Variants in CDH18 observed in about 807,000 individuals in gnomAD.
CDH18 encodes cadherin-18.
Under a neutral mutation model 67.9 loss-of-function variants are expected in CDH18, and 31 were observed. The ratio of observed to expected loss-of-function variants is 0.46; its 90% CI spans 0.34 to 0.62. The LOEUF (loss-of-function observed/expected upper bound fraction) is 0.62. Among genes scored for constraint, CDH18 ranks in the 20% least tolerant of loss-of-function variants. CDH18 has a pLI of 0.01. For missense variants in CDH18, 890 were observed against 975.5 expected, an observed-to-expected ratio of 0.91 and a Z score of 1.17; for synonymous variants, 362 against 347.2, an observed-to-expected ratio of 1.04 and a Z score of -0.48.
At chr5:19,705,516 A>G (rs983174562) in intron 5 of CDH18, among the ~76,000 whole-genome samples, 1 of 152,186 alleles carries the variant, frequency 6.6e-6, no homozygotes, top group African/African-American at 2.4e-5. Context: ...ACAGTGTTAC[A>G]GCTAATTGAG....
rs534876817 is a variant in CDH18 at position 20,530,945 on chromosome 5, C to G, written c.-580+44517G>C. 1.5e-4 allele frequency among the ~76,000 whole-genome samples: 23 copies of G among 152,148 alleles called. No homozygotes were observed. In the Middle Eastern group the frequency reaches 0.01, roughly 68 times the overall value. Reference sequence around the variant, plus strand: ...CAAAAGAAACTGTCATTAGAGTGAACAGACAACCTACAGAATGGAATAAAA... The same window carrying G: ...CAAAAGAAACTGTCATTAGAGTGAAGAGACAACCTACAGAATGGAATAAAA... On this transcript the variant is annotated intron_variant, in intron 1 of 14. Transcript: ENST00000507958.
chr5:20,305,040 A>C (rs1218213276), intron 1 of CDH18: 2 of 1,607,524 alleles, frequency 1.2e-6, no homozygotes, highest in Non-Finnish European at 1.7e-6. Context: ...AGGGCTGCTG[A>C]CTGTCCCCAT....
rs113740660 is a variant in CDH18, at chr5:19,725,206, G to A, written c.524-3740C>T. On this transcript the variant is annotated intron_variant, in intron 4 of 12. Transcript: ENST00000382275. ...CTCCCAAAGTGCTGGGATTACAGGC[G>A]TGAGCCACCGCACCCGGCCCATATT... Among the ~76,000 whole-genome samples, 628 of 152,042 alleles carry A rather than the reference G, an allele frequency of 4.1e-3. 1 individual carries two copies. Among genetic ancestry groups the A allele is most frequent in the South Asian group, 5.8e-3 (28 of 4,816 alleles).
chr5:20,263,000 G>T (rs1480544516), intron 1 of CDH18, among the ~76,000 whole-genome samples: 1 of 138,216 alleles, frequency 7.2e-6, no homozygotes, highest in Admixed American at 7.4e-5. Context: ...GAGGGAAGGG[G>T]AGGGGAGGGA....
intron 1 of CDH18, among the ~76,000 whole-genome samples, chr5:20,320,715 C>G (rs1237504780): frequency 1.3e-5 from 2 of 152,152 alleles, no homozygotes; most frequent in Non-Finnish European, 2.9e-5. Flanking sequence ...AGTCCTGTCT[C>G]CAAGGTGAGA....
At chr5:19,745,700 G>A (rs1192159010) in intron 4 of CDH18, among the ~76,000 whole-genome samples, 1 of 152,060 alleles carries the variant, frequency 6.6e-6, no homozygotes, top group African/African-American at 2.4e-5. Flanking sequence ...GCTCCTGCAG[G>A]CTGGTTCCTG....
chr5:19,521,164 G>T (rs936458857), intron 9 of CDH18, among the ~76,000 whole-genome samples: 5 of 151,994 alleles, frequency 3.3e-5, no homozygotes, highest in Non-Finnish European at 7.4e-5. Context: ...CTTTAAAAAA[G>T]TTTAATGTTC....
chr5:19,713,241 C>T (rs1199917590), intron 5 of CDH18, among the ~76,000 whole-genome samples: 2 of 151,898 alleles, frequency 1.3e-5, no homozygotes, highest in African/African-American at 4.8e-5. Flanking sequence ...AACATTGATT[C>T]TTATCTTTTT....
intron 2 of CDH18, among the ~76,000 whole-genome samples, chr5:19,923,738 C>T (rs1203533913): frequency 6.6e-6 from 1 of 152,082 alleles, no homozygotes; most frequent in Non-Finnish European, 1.5e-5. Context: ...TTGTAAAGCC[C>T]TAAATATTGT....
At chr5:20,184,157 A>G (rs931281436) in intron 2 of CDH18, among the ~76,000 whole-genome samples, 1 of 152,096 alleles carries the variant, frequency 6.6e-6, no homozygotes, top group Non-Finnish European at 1.5e-5. Context: ...ATAAATCTTC[A>G]AAAATCATAT....
intron 2 of CDH18, among the ~76,000 whole-genome samples, chr5:20,168,486 C>T (rs1389160467): frequency 6.6e-6 from 1 of 151,952 alleles, no homozygotes; most frequent in Non-Finnish European, 1.5e-5. Context: ...TTTGTGCTTT[C>T]AGATAAATAA....
rs184917956 is a variant in CDH18 at position 20,432,374 on chromosome 5, T to A, written c.-580+143088A>T. ...GGAATGCTAATAGTTGGTAAAGGGT[T>A]TGAGCTCAGAACAGAGGGAAAGCTA... On this transcript the variant is annotated intron_variant, in intron 1 of 14. Transcript: ENST00000507958. Among the ~76,000 whole-genome samples the A allele has an allele frequency of 4.6e-5, 7 of 152,288 alleles. No homozygotes were observed. In the East Asian group the frequency reaches 1.4e-3, roughly 29 times the overall value.
chr5:20,090,380 CA>C (rs1174340289), intron 2 of CDH18, among the ~76,000 whole-genome samples: 1 of 151,840 alleles, frequency 6.6e-6, no homozygotes, highest in Non-Finnish European at 1.5e-5. Context: ...ACCAAAAATA[CA>C]AAAATTAGCC....
At chr5:19,726,563 T>C (rs752164117) in intron 4 of CDH18, among the ~76,000 whole-genome samples, 14 of 152,094 alleles carry the variant, frequency 9.2e-5, no homozygotes, top group African/African-American at 3.4e-4. Flanking sequence ...TGGACATAAA[T>C]AGCAGGGATG....
At chr5:19,991,399 A>G (rs987919145), upstream of CDH18, among the ~76,000 whole-genome samples, 1 of 152,168 alleles carries the variant, frequency 6.6e-6, no homozygotes, top group African/African-American at 2.4e-5. Flanking sequence ...ATACAATGTG[A>G]AATGATCATC....
intron 1 of CDH18, among the ~76,000 whole-genome samples, chr5:20,327,454 A>G (rs1452089448): frequency 6.6e-6 from 1 of 152,098 alleles, no homozygotes; most frequent in African/African-American, 2.4e-5. Flanking sequence ...CTCATTGCCT[A>G]CTATCTCTCC....
intron 2 of CDH18, among the ~76,000 whole-genome samples, chr5:20,106,704 C>T (rs2150584818): frequency 6.6e-6 from 1 of 152,232 alleles, no homozygotes; most frequent in South Asian, 2.1e-4. Context: ...TAGATTTTAT[C>T]TCAAAATAAA....
At chr5:19,492,974 T>C (rs1741711981) in intron 11 of CDH18, among the ~76,000 whole-genome samples, 1 of 152,174 alleles carries the variant, frequency 6.6e-6, no homozygotes, top group African/African-American at 2.4e-5. Context: ...TGAATTAAAA[T>C]GCCATTGAGT....
chr5:19,813,114 G>A (rs1778920141), intron 3 of CDH18, among the ~76,000 whole-genome samples: 1 of 152,042 alleles, frequency 6.6e-6, no homozygotes, highest in Non-Finnish European at 1.5e-5. Flanking sequence ...CACAAGGACG[G>A]GAACATCACA....
Sources: allele counts gnomAD v4.1 joint callset (sites outside exome capture counted in the v4.1 genomes callset), GRCh38; gene constraint gnomAD v4.1.1; transcripts MANE v1.5; gene names NCBI Gene and HGNC (gene_info 2026-07-23, HGNC 2026-07-21).